Variants in TTC17 observed in about 807,000 individuals in gnomAD.
TTC17 encodes tetratricopeptide repeat protein 17.
A neutral mutation model predicts 143.8 loss-of-function variants in TTC17; 58 were observed. The ratio of observed to expected loss-of-function variants is 0.40; its 90% confidence interval spans 0.33 to 0.50. The LOEUF (loss-of-function observed/expected upper bound fraction) is 0.50, where lower values mean the gene tolerates loss of function less well. Among genes scored for constraint, TTC17 ranks in the 20% least tolerant of loss-of-function variants. The pLI is 0.49. For synonymous variants in TTC17, 501 were observed against 497.8 expected (o/e 1.01, Z -0.09); for missense variants, 1,273 against 1,392.5 (o/e 0.91, Z 1.37).
At chr11:43,403,958 C>T in intron 10 of TTC17, 40 bp from the exon 11 acceptor site, 1 of 1,534,866 alleles carries the variant, frequency 6.5e-7, no homozygotes, top group Non-Finnish European at 8.8e-7. Context: ...AACTCCTTTT[C>T]CACTTTCAAT....
intron 16 of TTC17, among the ~76,000 whole-genome samples, chr11:43,425,779 C>A (rs1029647575): frequency 2.0e-5 from 3 of 152,140 alleles, no homozygotes; most frequent in African/African-American, 4.8e-5. Context: ...TAATCTGTTA[C>A]TAACCAGCAA....
chr11:43,419,083 A>G (rs946374197), intron 16 of TTC17, among the ~76,000 whole-genome samples: 1 of 152,210 alleles, frequency 6.6e-6, no homozygotes, highest in Admixed American at 6.5e-5. Flanking sequence ...ACAGCATATA[A>G]TTAAGCATTA....
chr11:43,424,820 T>G (rs1003957086), intron 16 of TTC17, among the ~76,000 whole-genome samples: 2 of 152,146 alleles, frequency 1.3e-5, no homozygotes, highest in Non-Finnish European at 2.9e-5. Context: ...GTAGAAAACC[T>G]TGATGGGCAA....
chr11:43,415,112 T>A (rs1249795721), intron 16 of TTC17, among the ~76,000 whole-genome samples: 1 of 152,174 alleles, frequency 6.6e-6, no homozygotes, highest in Non-Finnish European at 1.5e-5. Flanking sequence ...ATTTTTTCTG[T>A]CCATGAAGTC....
chr11:43,458,403 G>T (rs1454895208), intron 21 of TTC17, among the ~76,000 whole-genome samples: 1 of 152,192 alleles, frequency 6.6e-6, no homozygotes, highest in African/African-American at 2.4e-5. Context: ...GTGAAAAACA[G>T]AATCTGCCTG....
At chr11:43,448,319 C>T (rs1023383305) in intron 19 of TTC17, among the ~76,000 whole-genome samples, 197 bp downstream of exon 19, 6 of 152,138 alleles carry the variant, frequency 3.9e-5, no homozygotes, top group East Asian at 3.9e-4. Context: ...CCCCCCTTCC[C>T]GGTGCCTTCA....
chr11:43,407,129 AT>A lies in TTC17; in HGVS notation c.1762-8del, dbSNP rs768313866. On this transcript the variant is annotated splice_polypyrimidine_tract_variant and splice_region_variant and intron_variant, in intron 13 of 23. Coordinates refer to ENST00000039989, the MANE Select transcript of TTC17 (RefSeq NM_018259.6). Reference sequence around the variant, plus strand: ...TTCAATTGAGTCAGTCTTCCTTTTGATGTTTCAGATTTTGCTTTCCCGTATT... The same window carrying A: ...TTCAATTGAGTCAGTCTTCCTTTTGAGTTTCAGATTTTGCTTTCCCGTATT... The A allele has an allele frequency of 1.3e-6, 2 of 1,554,300 alleles. No individual in the cohort carries two copies. The highest frequency in any genetic ancestry group is 8.7e-7 in the Non-Finnish European group (1 of 1,151,838).
chr11:43,369,594 TA>T, intron 1 of TTC17, among the ~76,000 whole-genome samples: 1 of 152,106 alleles, frequency 6.6e-6, no homozygotes, highest in African/African-American at 2.4e-5. Flanking sequence ...TGATATCCTG[TA>T]AGATTAAAAT....
intron 1 of TTC17, among the ~76,000 whole-genome samples, chr11:43,376,718 G>A (rs1407745436): frequency 6.6e-6 from 1 of 152,158 alleles, no homozygotes; most frequent in Non-Finnish European, 1.5e-5. Flanking sequence ...TCAGGACATC[G>A]ACTCATAGTG....
chr11:43,477,709 C>T (rs1276169681), intron 21 of TTC17, among the ~76,000 whole-genome samples: 2 of 152,150 alleles, frequency 1.3e-5, no homozygotes, highest in South Asian at 2.1e-4. Context: ...AAATACAATT[C>T]GAGATGTGGG....
intron 16 of TTC17, among the ~76,000 whole-genome samples, chr11:43,424,363 G>C (rs1946975781): frequency 6.6e-6 from 1 of 151,236 alleles, no homozygotes; most frequent in Non-Finnish European, 1.5e-5. Flanking sequence ...CAAAGTGCTG[G>C]GATTATAGGT....
intron 22 of TTC17, chr11:43,490,740 T>G (rs942813380): frequency 2.6e-5 from 4 of 153,314 alleles, no homozygotes; most frequent in Admixed American, 2.0e-4. Flanking sequence ...TTAGACTTGT[T>G]TTGCTTATCC....
chr11:43,408,686 G>A (rs972333386), intron 15 of TTC17, among the ~76,000 whole-genome samples: 1 of 152,082 alleles, frequency 6.6e-6, no homozygotes, highest in Admixed American at 6.6e-5. Context: ...ATACCATGGT[G>A]CTACAATAAG....
chr11:43,359,005 C>T lies in TTC17; in HGVS notation c.51C>T (p.Ser17=). The T allele has an allele frequency of 2.5e-6, 4 of 1,586,072 alleles. No homozygotes were observed. The highest frequency in any genetic ancestry group is 3.4e-6 in the Non-Finnish European group (4 of 1,166,884). ...VRGRYELPPC[S]GPGWLLSLSA... Reference sequence around the variant, plus strand: ...GCCGGTACGAGCTGCCGCCTTGCTCCGGCCCAGGCTGGCTCCTCAGCCTTT... The same window carrying T: ...GCCGGTACGAGCTGCCGCCTTGCTCTGGCCCAGGCTGGCTCCTCAGCCTTT... Residue 17 remains serine (S), a synonymous_variant, in exon 1 of 24, where the codon TCC becomes TCT. Transcript: ENST00000039989.
At chr11:43,399,151 T>C (rs1163914285) in intron 8 of TTC17, among the ~76,000 whole-genome samples, 1 of 152,082 alleles carries the variant, frequency 6.6e-6, no homozygotes, top group East Asian at 1.9e-4. Flanking sequence ...TAAGCTAGAG[T>C]ATGAAAGCAA....
chr11:43,415,275 C>T (rs1193484986), intron 16 of TTC17, among the ~76,000 whole-genome samples: 1 of 152,090 alleles, frequency 6.6e-6, no homozygotes, highest in Non-Finnish European at 1.5e-5. Context: ...CTTCCACTCC[C>T]TCCCACAGCA....
chr11:43,474,173 G>A (rs1207184845), intron 21 of TTC17, among the ~76,000 whole-genome samples: 1 of 152,160 alleles, frequency 6.6e-6, no homozygotes, highest in Non-Finnish European at 1.5e-5. Context: ...CATCCACACA[G>A]TGGAGGCTTC....
Position 43,494,492 on chromosome 11 carries a change from A to G in TTC17, c.*588A>G, listed in dbSNP as rs1291528349. On this transcript the variant is annotated 3_prime_UTR_variant, in exon 24 of 24. Transcript: ENST00000039989. ...ATTTTAAAAACAAAATATTTACAAC[A>G]ACAAAAATTCTTAGGATCACCTGAC... 1 of 152,140 alleles carries G rather than the reference A, an allele frequency of 6.6e-6. No individual in the cohort carries two copies. The highest frequency in any genetic ancestry group is 2.4e-5 in the African/African-American group (1 of 41,398). 9.4% of individuals were successfully genotyped at this position (152,140 alleles called of 1,614,324 possible).
At chr11:43,432,191 A>G (rs546235035) in intron 16 of TTC17, among the ~76,000 whole-genome samples, 5 of 151,878 alleles carry the variant, frequency 3.3e-5, no homozygotes, top group Admixed American at 2.6e-4. Flanking sequence ...GTTTAGCCAC[A>G]TGATAAATTG....
Sources: gnomAD v4.1 joint callset for allele counts (sites outside exome capture counted in the v4.1 genomes callset) on GRCh38, gnomAD v4.1.1 for gene constraint, MANE v1.5 for transcripts, NCBI Gene and HGNC (gene_info 2026-07-23, HGNC 2026-07-21) for gene names.